IL22RA2: variants seen among roughly 807,000 people sequenced by gnomAD.
IL22RA2 encodes interleukin-22 receptor subunit alpha-2.
A neutral mutation model predicts 30.7 loss-of-function variants in IL22RA2; 39 were observed. That is an observed-to-expected ratio of 1.27 (90% confidence interval 0.98 to 1.66). The LOEUF (loss-of-function observed/expected upper bound fraction) is 1.66, where lower values mean the gene tolerates loss of function less well. Ranked by LOEUF, IL22RA2 falls within the 40% of genes most tolerant of loss-of-function variation. IL22RA2 has a pLI of 0.00. For missense variants in IL22RA2, 315 were observed against 312.7 expected, an observed-to-expected ratio of 1.01 and a Z score of -0.05; for synonymous variants, 103 against 105.0, an observed-to-expected ratio of 0.98 and a Z score of 0.11.
rs143111312 is a variant in IL22RA2 at position 137,156,852 on chromosome 6, A to G, written c.200T>C (p.Met67Thr). 5.6e-6 allele frequency: 9 copies of G among 1,610,694 alleles called. No individual in the cohort carries two copies. In the African/African-American group the frequency reaches 1.1e-4, roughly 19 times the overall value. The change falls in exon 4 of 7, where the codon ATG becomes ACG. Residue 67 changes from methionine to threonine, a missense_variant and splice_region_variant. Physicochemically the swap from Met to Thr is moderately conservative, Grantham distance 81 (BLOSUM62 -1). Transcript: ENST00000296980. ...SSVYFVQYKI[M>T]FSCSMKSSHQ... ...AGAGCTTTTCATGCTGCATGAGAAC[A>G]TGCTAGAGAAGGTCAATGGGGAAAA...
At chr6:137,170,011 A>G (rs1778698490) in intron 1 of IL22RA2, among the ~76,000 whole-genome samples, 1 of 152,184 alleles carries the variant, frequency 6.6e-6, no homozygotes, top group Admixed American at 6.5e-5. Context: ...TAAAACTGTA[A>G]TACTAGGCTT....
At chr6:137,145,846 TAAC>T (rs1778168943) in intron 6 of IL22RA2, 73 bp from the exon 7 acceptor site, 1 of 1,506,518 alleles carries the variant, frequency 6.6e-7, no homozygotes, top group Non-Finnish European at 9.2e-7. Flanking sequence ...TTGTTTAAAT[TAAC>T]AAGTTGTACA....
At chr6:137,158,564 G>T in intron 2 of IL22RA2, 82 bp from the exon 3 acceptor site, 2 of 1,409,948 alleles carry the variant, frequency 1.4e-6, no homozygotes, top group Non-Finnish European at 2.0e-6. Context: ...TGGAATACCT[G>T]CATCAGGATT....
chr6:137,156,491 G>A (rs1778409872), intron 4 of IL22RA2, among the ~76,000 whole-genome samples: 1 of 152,160 alleles, frequency 6.6e-6, no homozygotes, highest in South Asian at 2.1e-4. Flanking sequence ...GAACTTAGCT[G>A]TAATGACAGA....
intron 1 of IL22RA2, among the ~76,000 whole-genome samples, chr6:137,171,775 A>G (rs1462920793): frequency 6.6e-6 from 1 of 152,196 alleles, no homozygotes; most frequent in Admixed American, 6.5e-5. Flanking sequence ...TTCATTTAAC[A>G]AATTTCAGTT....
rs139568957 is a variant in IL22RA2, at chr6:137,154,877, C to T, written c.472+64G>A. On this transcript the variant is annotated intron_variant, in intron 5 of 6. Transcript: ENST00000296980. ...CAAAGCACAAGGCCTAGTCACTAGC[C>T]GTGCTCCGGGAGGGCTGTCCAAAAG... is the stretch of plus-strand genomic sequence containing the variant. 1.3e-5 allele frequency: 19 copies of T among 1,414,060 alleles called. No individual in the cohort carries two copies. In the East Asian group the frequency reaches 3.0e-4, roughly 22 times the overall value. The allele number at this position is 1,414,060 out of a possible 1,614,324, so 87.6% of individuals were successfully genotyped here.
At chr6:137,149,814 C>T (rs1330649523) in intron 5 of IL22RA2, among the ~76,000 whole-genome samples, 1 of 152,200 alleles carries the variant, frequency 6.6e-6, no homozygotes, top group Admixed American at 6.5e-5. Context: ...GCATGCTCTT[C>T]TTCAATATAT....
intron 5 of IL22RA2, among the ~76,000 whole-genome samples, chr6:137,148,553 A>C (rs1340673557): frequency 6.6e-6 from 1 of 152,188 alleles, no homozygotes; most frequent in Non-Finnish European, 1.5e-5. Flanking sequence ...CAGCTGGGGC[A>C]GTCACTGTGT....
intron 5 of IL22RA2, among the ~76,000 whole-genome samples, chr6:137,150,554 C>G (rs1416549030): frequency 7.2e-6 from 1 of 139,328 alleles, no homozygotes; most frequent in Non-Finnish European, 1.5e-5. Context: ...TAACTCAACA[C>G]TATCCCAATT....
intron 5 of IL22RA2, among the ~76,000 whole-genome samples, chr6:137,152,112 C>CT (rs1373169377): frequency 6.6e-6 from 1 of 151,920 alleles, no homozygotes; most frequent in Admixed American, 6.6e-5. Flanking sequence ...ACTTGGGAGG[C>CT]TGAGGTGGAA....
At chr6:137,154,620 A>AAC (rs10682551) in intron 5 of IL22RA2, among the ~76,000 whole-genome samples, 6,170 of 148,444 alleles carry the variant, frequency 0.042, 372 homozygotes, top group African/African-American at 0.14. Context: ...GTCACACACA[A>AAC]ACACACACAC....
At chr6:137,167,288 A>T (rs548621543) in intron 1 of IL22RA2, among the ~76,000 whole-genome samples, 18 of 152,334 alleles carry the variant, frequency 1.2e-4, no homozygotes, top group Middle Eastern at 6.8e-3. Flanking sequence ...CATGAAACTC[A>T]TCTAAGATGG....
At chr6:137,159,487 A>T (rs1778477574) in intron 2 of IL22RA2, among the ~76,000 whole-genome samples, 2 of 151,814 alleles carry the variant, frequency 1.3e-5, no homozygotes, top group Non-Finnish European at 2.9e-5. Flanking sequence ...TGCCTGGCTA[A>T]TTTTTTTGTA....
In IL22RA2 at chr6:137,144,105, T is replaced by C. The variant is rs890148368; in HGVS notation, c.*1519A>G. The C allele has an allele frequency of 6.6e-6, 1 of 152,346 alleles. No homozygotes were observed. The highest frequency in any genetic ancestry group is 2.4e-5 in the African/African-American group (1 of 41,448). 9.4% of individuals were successfully genotyped at this position (152,346 alleles called of 1,614,324 possible). On this transcript the variant is annotated 3_prime_UTR_variant, in exon 7 of 7. Coordinates refer to ENST00000296980, the MANE Select transcript of IL22RA2 (RefSeq NM_052962.3). The stretch of plus-strand genomic sequence containing the variant: ...TTACTCGCCACCCACCCCACTACTC[T>C]TAATTCATCGCCCTCTCCACAAAAG...
chr6:137,158,261 A>C (rs1451383044), intron 3 of IL22RA2, 86 bp downstream of exon 3: 1 of 1,514,960 alleles, frequency 6.6e-7, no homozygotes, highest in Non-Finnish European at 9.0e-7. Flanking sequence ...ACTGAAAAAA[A>C]GCTCGGATCC....
chr6:137,145,965 G>T (rs1020048407), intron 6 of IL22RA2, among the ~76,000 whole-genome samples, 192 bp from the exon 7 acceptor site: 2 of 152,192 alleles, frequency 1.3e-5, no homozygotes, highest in African/African-American at 2.4e-5. Context: ...TGGCTGTGTA[G>T]GTGCAACTTG....
intron 6 of IL22RA2, among the ~76,000 whole-genome samples, chr6:137,147,447 G>T (rs1421120135): frequency 6.6e-6 from 1 of 151,786 alleles, no homozygotes; most frequent in Non-Finnish European, 1.5e-5. Flanking sequence ...GAATATTTGT[G>T]GCAGTCACAT....
chr6:137,169,928 T>C (rs2114400386), intron 1 of IL22RA2, among the ~76,000 whole-genome samples: 1 of 152,388 alleles, frequency 6.6e-6, no homozygotes, highest in East Asian at 1.9e-4. Flanking sequence ...TTAGCTCATG[T>C]TCTGGTTCAG....
At chr6:137,161,627 A>C (rs1778522457) in intron 2 of IL22RA2, 62 bp downstream of exon 2, 2 of 1,398,364 alleles carry the variant, frequency 1.4e-6, no homozygotes, top group South Asian at 2.4e-5. Flanking sequence ...CATTTCCAAC[A>C]GATCCTTGAT....
Sources: allele counts gnomAD v4.1 joint callset (sites outside exome capture counted in the v4.1 genomes callset), GRCh38; gene constraint gnomAD v4.1.1; transcripts MANE v1.5; gene names NCBI Gene and HGNC (gene_info 2026-07-23, HGNC 2026-07-21).